CNGB1: variants seen among roughly 807,000 people sequenced by gnomAD.
The protein encoded by CNGB1 is cyclic nucleotide gated channel subunit beta 1, also known as cyclic nucleotide-gated channel beta-1.
Under a neutral mutation model 151.7 loss-of-function variants are expected in CNGB1, and 126 were observed. The ratio of observed to expected loss-of-function variants is 0.83; its 90% CI spans 0.72 to 0.96. CNGB1 has a LOEUF of 0.96. Among genes scored for constraint, CNGB1 ranks in the 40% least tolerant of loss-of-function variants. The pLI is 0.00. For missense variants in CNGB1, 1,698 were observed against 1,627.0 expected, an observed-to-expected ratio of 1.04 and a Z score of -0.75; for synonymous variants, 623 against 635.1, an observed-to-expected ratio of 0.98 and a Z score of 0.29.
At position 57,910,292 on chromosome 16, in the gene CNGB1, C is replaced by A. The variant is rs139031600; in HGVS notation, c.2492+1461G>T. On this transcript the variant is annotated intron_variant, in intron 25 of 32. Transcript: ENST00000251102. ...CATCTGCATGAAAATACCTAGGTCA[C>A]CACAGCCCCTTATCATAACCCAGAC... 1.9e-3 allele frequency among the ~76,000 whole-genome samples: 285 copies of A among 152,338 alleles called. 1 individual carries two copies. Among genetic ancestry groups the A allele is most frequent in the African/African-American group, 5.7e-3 (236 of 41,578 alleles).
chr16:57,950,296 C>A, intron 13 of CNGB1, 85 bp downstream of exon 13: 2 of 1,539,174 alleles, frequency 1.3e-6, no homozygotes, highest in Admixed American at 3.3e-5. Context: ...TGCTCTGTGC[C>A]TTTTCATCTT....
Position 57,967,223 on chromosome 16 carries a change from G to A in CNGB1, c.64C>T (p.Gln22Ter), listed in dbSNP as rs775592138. Residue 22 changes from glutamine (Q) to a stop codon, truncating the protein, a stop_gained, in exon 2 of 33, where the codon CAG (glutamine) becomes TAG (stop). Coordinates refer to ENST00000251102, the MANE Select transcript of CNGB1 (RefSeq NM_001297.5). LOFTEE classifies it high-confidence loss of function. ...TCTGGTTCCACTTCCTCTTCCTCCT[G>A]CATCTTGGTCTTCCGAGGGGTCCCT... is the stretch of plus-strand genomic sequence containing the variant. ...PPGTPRKTKMQEEEEVEPEPE... is the reference protein window; with the variant it reads ...PPGTPRKTKM The A allele has an allele frequency of 1.2e-6, 2 of 1,614,044 alleles. No individual in the cohort carries two copies. The highest frequency in any genetic ancestry group is 2.2e-5 in the East Asian group (1 of 44,874).
At chr16:57,917,665 A>C (rs1474267051) in intron 20 of CNGB1, among the ~76,000 whole-genome samples, 189 bp from the exon 21 acceptor site, 1 of 149,818 alleles carries the variant, frequency 6.7e-6, no homozygotes, top group East Asian at 2.0e-4. Context: ...CACACACACA[A>C]CTCTCTGCTT....
At chr16:57,951,002 G>A (rs1340807769) in intron 12 of CNGB1, among the ~76,000 whole-genome samples, 9 of 152,146 alleles carry the variant, frequency 5.9e-5, no homozygotes, top group Non-Finnish European at 1.0e-4. Flanking sequence ...TGCCACCCCC[G>A]GGTGACAGCA....
intron 12 of CNGB1, among the ~76,000 whole-genome samples, chr16:57,950,896 C>T (rs1026825136): frequency 1.2e-4 from 18 of 152,160 alleles, no homozygotes; most frequent in African/African-American, 4.3e-4. Context: ...TGCCAAAAGG[C>T]CCAGGTTCAG....
chr16:57,958,304 G>T, intron 11 of CNGB1, 106 bp downstream of exon 11: 1 of 1,010,678 alleles, frequency 9.9e-7, no homozygotes, highest in Non-Finnish European at 1.6e-6. Context: ...GGAAGGCTGG[G>T]GGAGCTGGGC....
At chr16:57,949,649 C>A (rs558682702) in intron 13 of CNGB1, among the ~76,000 whole-genome samples, 32 of 152,326 alleles carry the variant, frequency 2.1e-4, no homozygotes, top group African/African-American at 7.0e-4. Context: ...ACTGTCCCAG[C>A]CACTGTCCTG....
At position 57,967,245 on chromosome 16, in the gene CNGB1, C is replaced by T; in HGVS notation, c.42G>A (p.Gly14=). Residue 14 remains glycine, a synonymous_variant, in exon 2 of 33, where the codon GGG becomes GGA. Coordinates refer to ENST00000251102, the MANE Select transcript of CNGB1 (RefSeq NM_001297.5). ...CCTGCATCTTGGTCTTCCGAGGGGT[C>T]CCTGGGGGCTGAGGCAGCACCCTCT... ...WVQRVLPQPP[G]TPRKTKMQEE... The T allele has an allele frequency of 6.2e-7, 1 of 1,614,178 alleles. No individual in the cohort carries two copies. The highest frequency in any genetic ancestry group is 1.3e-5 in the African/African-American group (1 of 75,052).
chr16:57,933,153 C>T (rs194121), intron 16 of CNGB1, among the ~76,000 whole-genome samples: 3 of 152,250 alleles, frequency 2.0e-5, no homozygotes, highest in African/African-American at 7.2e-5. Flanking sequence ...GTCTCGAACT[C>T]CTGAGCTCAG....
rs765832106 is a variant in CNGB1 at position 57,901,552 on chromosome 16, G to A, written c.2868C>T (p.Ile956=). ...CCTGAAAGAGTGCGACTTTGCTAACGATGTTGTAGTTCACGTCGATGGCGA... is the reference window on the plus strand; with the variant it reads ...CCTGAAAGAGTGCGACTTTGCTAACAATGTTGTAGTTCACGTCGATGGCGA... ...LDLAIDVNYN[I]VSKVALFQGC... The change falls in exon 28 of 33, where the codon ATC becomes ATT. Residue 956 remains isoleucine, a synonymous_variant. Coordinates refer to ENST00000251102, the MANE Select transcript of CNGB1 (RefSeq NM_001297.5). The A allele has an allele frequency of 2.5e-5, 40 of 1,614,028 alleles. No individual in the cohort carries two copies. The highest frequency in any genetic ancestry group is 2.9e-5 in the Non-Finnish European group (34 of 1,180,012).
intron 6 of CNGB1, 92 bp downstream of exon 6, chr16:57,962,750 G>T (rs1239133571): frequency 6.3e-7 from 1 of 1,585,656 alleles, no homozygotes. Flanking sequence ...GATCCAGCCT[G>T]GGCAGAGGCT....
chr16:57,892,730 C>T (rs747376887), intron 31 of CNGB1, among the ~76,000 whole-genome samples: 1 of 152,198 alleles, frequency 6.6e-6, no homozygotes, highest in Non-Finnish European at 1.5e-5. Context: ...CACCCACACA[C>T]TAAGCCTGCT....
At position 57,923,395 on chromosome 16, in the gene CNGB1, A is replaced by G; in HGVS notation, c.1536-15T>C. 1 of 1,605,310 alleles carries G rather than the reference A, an allele frequency of 6.2e-7. No individual in the cohort carries two copies. ...GCAGCTTCTTCCTGCAAAGACACAGATGTGGAAGGGGCCTTCAGCAAAGGC... is the reference window on the plus strand; with the variant it reads ...GCAGCTTCTTCCTGCAAAGACACAGGTGTGGAAGGGGCCTTCAGCAAAGGC... On this transcript the variant is annotated splice_polypyrimidine_tract_variant and intron_variant, in intron 17 of 32. Coordinates refer to ENST00000251102, the MANE Select transcript of CNGB1 (RefSeq NM_001297.5).
intron 23 of CNGB1, among the ~76,000 whole-genome samples, chr16:57,913,688 C>T (rs1354412068): frequency 6.6e-6 from 1 of 152,140 alleles, no homozygotes; most frequent in Non-Finnish European, 1.5e-5. Context: ...ACTGTGTTAC[C>T]CAGGTTGGTC....
chr16:57,955,325 A>G, intron 12 of CNGB1: 1 of 1,551,758 alleles, frequency 6.4e-7, no homozygotes, highest in Non-Finnish European at 8.7e-7. Flanking sequence ...GCTCTCCCAG[A>G]TTCCCTTCTC....
Position 57,960,547 on chromosome 16 carries a change from G to A in CNGB1, c.535-17C>T, listed in dbSNP as rs1338578932. 4 of 1,612,936 alleles carry A rather than the reference G, an allele frequency of 2.5e-6. No individual in the cohort carries two copies. Among genetic ancestry groups the A allele is most frequent in the African/African-American group, 1.3e-5 (1 of 74,906 alleles). ...TCTCCAGACCTGGGTGACAAACAGG[G>A]CGCAAGGTCATGGGCCATAGCAAGC... On this transcript the variant is annotated splice_polypyrimidine_tract_variant and intron_variant, in intron 8 of 32. Transcript: ENST00000251102.
chr16:57,920,831 A>G (rs1226342115), intron 18 of CNGB1, among the ~76,000 whole-genome samples: 1 of 152,180 alleles, frequency 6.6e-6, no homozygotes, highest in Non-Finnish European at 1.5e-5. Flanking sequence ...CTCCACTTGT[A>G]ATTTAGGAGG....
At chr16:57,952,493 C>CTT (rs10598722) in intron 12 of CNGB1, among the ~76,000 whole-genome samples, 1,504 of 62,150 alleles carry the variant, frequency 0.024, 376 homozygotes, top group Non-Finnish European at 0.033. Context: ...CAAGCATTTC[C>CTT]TTTTTTTTTT....
intron 27 of CNGB1, among the ~76,000 whole-genome samples, chr16:57,903,262 C>T (rs2149358166): frequency 6.7e-6 from 1 of 150,348 alleles, no homozygotes; most frequent in African/African-American, 2.5e-5. Flanking sequence ...GAGCCCGAGG[C>T]TGGCTAATCA....
Sources: allele counts gnomAD v4.1 joint callset (sites outside exome capture counted in the v4.1 genomes callset), GRCh38; gene constraint gnomAD v4.1.1; transcripts MANE v1.5; gene names NCBI Gene and HGNC (gene_info 2026-07-23, HGNC 2026-07-21).